Variants in ZCCHC4 observed in about 807,000 individuals in gnomAD.
ZCCHC4 encodes the protein zinc finger CCHC-type containing 4.
Under a neutral mutation model 67.7 loss-of-function variants are expected in ZCCHC4, and 54 were observed. The observed-to-expected ratio is 0.80, with a 90% CI of 0.64 to 1.00. The LOEUF (loss-of-function observed/expected upper bound fraction) is 1.00, where lower values mean the gene tolerates loss of function less well. ZCCHC4 is among the 50% of genes least tolerant of loss of function. ZCCHC4 has a pLI of 0.00. For synonymous variants in ZCCHC4, 198 were observed against 213.5 expected, an observed-to-expected ratio of 0.93 and a Z score of 0.63; for missense variants, 609 against 617.0, an observed-to-expected ratio of 0.99 and a Z score of 0.14.
At chr4:25,326,355 C>T (rs1284809179) in intron 3 of ZCCHC4, among the ~76,000 whole-genome samples, 2 of 152,220 alleles carry the variant, frequency 1.3e-5, no homozygotes, top group African/African-American at 4.8e-5. Flanking sequence ...GGATAACCTC[C>T]TCATCTTAAG....
intron 3 of ZCCHC4, among the ~76,000 whole-genome samples, chr4:25,316,189 T>C (rs1718255457): frequency 6.6e-6 from 1 of 152,250 alleles, no homozygotes; most frequent in Non-Finnish European, 1.5e-5. Flanking sequence ...TAATATCCGT[T>C]GTCTGTCTAT....
chr4:25,340,070 A>T (rs2324674), intron 5 of ZCCHC4, among the ~76,000 whole-genome samples: 1 of 151,998 alleles, frequency 6.6e-6, no homozygotes, highest in East Asian at 1.9e-4. Flanking sequence ...AGCTTTCACC[A>T]TGTTAGCCAG....
At chr4:25,352,432 A>G (rs1720346088) in intron 8 of ZCCHC4, 1 of 977,354 alleles carries the variant, frequency 1.0e-6, no homozygotes, top group South Asian at 4.7e-5. Flanking sequence ...TTTTTGAGAC[A>G]GAGTCTCACT....
intron 8 of ZCCHC4, among the ~76,000 whole-genome samples, chr4:25,354,884 T>C (rs1358292754): frequency 6.8e-6 from 1 of 148,030 alleles, no homozygotes; most frequent in Non-Finnish European, 1.5e-5. Flanking sequence ...ACAGATCTTT[T>C]CCCATAGACC....
chr4:25,361,817 T>C (rs909551768), intron 8 of ZCCHC4, 42 bp from the exon 9 acceptor site: 23 of 1,550,682 alleles, frequency 1.5e-5, no homozygotes, highest in Admixed American at 3.7e-5. Context: ...TGTTGACTAA[T>C]TTGAGTAAAT....
chr4:25,333,328 C>A lies in ZCCHC4; in HGVS notation c.475C>A (p.Gln159Lys), dbSNP rs77036618. Residue 159 changes from glutamine (Q) to lysine (K), a missense_variant, in exon 4 of 13, where the codon CAA becomes AAA. Gln to Lys is a moderately conservative substitution (Grantham distance 53). Coordinates refer to ENST00000302874, the MANE Select transcript of ZCCHC4 (RefSeq NM_024936.3). ...CATTACCCAGTTAAGAAGGCCCAGT[C>A]AACTCCTTTATCCACTGGAAAACAA... Reference protein sequence around the residue: ...VSITQLRRPSQLLYPLENKKT... With the variant: ...VSITQLRRPSKLLYPLENKKT... The A allele has an allele frequency of 1.4e-3, 2,187 of 1,614,060 alleles. 26 individuals carry two copies. The African/African-American group carries it at 0.025, about 19-fold the overall frequency.
intron 3 of ZCCHC4, among the ~76,000 whole-genome samples, chr4:25,331,710 C>A (rs897289325): frequency 6.6e-6 from 1 of 152,130 alleles, no homozygotes; most frequent in African/African-American, 2.4e-5. Context: ...TCATAGGGCC[C>A]TTTCTTCTAC....
intron 2 of ZCCHC4, among the ~76,000 whole-genome samples, chr4:25,314,813 G>T (rs564784325): frequency 6.6e-6 from 1 of 152,280 alleles, no homozygotes; most frequent in African/African-American, 2.4e-5. Context: ...TCACTAAAGA[G>T]AAATCATGAT....
intron 8 of ZCCHC4, 199 bp from the exon 9 acceptor site, chr4:25,361,660 T>C: frequency 1.8e-6 from 1 of 561,818 alleles, no homozygotes; most frequent in Non-Finnish European, 3.1e-6. Flanking sequence ...CTGTCTATGA[T>C]CCTTGAGTGT....
At position 25,364,461 on chromosome 4, in the gene ZCCHC4, G is replaced by A; in HGVS notation, c.1217G>A (p.Arg406Lys). Reference sequence around the variant, plus strand: ...TGTTTTTTTTTTTGGTAGGATGGCAGGAAATGGAACCATTGCTTTCTCTGT... The same window carrying A: ...TGTTTTTTTTTTTGGTAGGATGGCAAGAAATGGAACCATTGCTTTCTCTGT... ...LCNSCTSKDGRKWNHCFLCKK... is the reference protein window; with the variant it reads ...LCNSCTSKDGKKWNHCFLCKK... Residue 406 changes from arginine to lysine, a missense_variant, in exon 11 of 13, where the codon AGG becomes AAG. Transcript: ENST00000302874. 1 of 1,500,422 alleles carries A rather than the reference G, an allele frequency of 6.7e-7. No individual in the cohort carries two copies. Among genetic ancestry groups the A allele is most frequent in the Non-Finnish European group, 8.9e-7 (1 of 1,128,476 alleles). The allele number at this position is 1,500,422 out of a possible 1,614,324, so 92.9% of individuals were successfully genotyped here. A position where few individuals can be genotyped will look rare whatever the true frequency, so the allele number is the denominator to read the frequency against.
At chr4:25,361,435 C>T (rs550001038) in intron 8 of ZCCHC4, among the ~76,000 whole-genome samples, 3 of 152,302 alleles carry the variant, frequency 2.0e-5, no homozygotes, top group African/African-American at 7.2e-5. Context: ...AGGTTTGGAG[C>T]GCAGTCGTAC....
intron 8 of ZCCHC4, 122 bp downstream of exon 8, chr4:25,351,811 C>T: frequency 9.9e-7 from 1 of 1,009,624 alleles, no homozygotes; most frequent in South Asian, 2.0e-5. Flanking sequence ...AATATTATAC[C>T]ATATATAGCT....
At chr4:25,318,349 C>CTTTTTTTTTTTTTT (rs528144406) in intron 3 of ZCCHC4, among the ~76,000 whole-genome samples, 2 of 45,508 alleles carry the variant, frequency 4.4e-5, no homozygotes, top group Non-Finnish European at 7.1e-5. Context: ...CACTCTCTCT[C>CTTTTTTTTTTTTTT]TTTTTTTTTT....
intron 5 of ZCCHC4, among the ~76,000 whole-genome samples, chr4:25,340,631 T>A (rs1323667308): frequency 6.6e-6 from 1 of 151,836 alleles, no homozygotes; most frequent in Non-Finnish European, 1.5e-5. Flanking sequence ...GAACATGAGA[T>A]GTCCTTCCAT....
chr4:25,345,342 C>T (rs967725946), intron 5 of ZCCHC4, among the ~76,000 whole-genome samples: 2 of 152,098 alleles, frequency 1.3e-5, no homozygotes, highest in African/African-American at 2.4e-5. Flanking sequence ...GGTTTTACTA[C>T]TGGTTAATTA....
intron 5 of ZCCHC4, 33 bp from the exon 6 acceptor site, chr4:25,345,515 G>T: frequency 8.4e-7 from 1 of 1,187,748 alleles, no homozygotes; most frequent in South Asian, 1.3e-5. Flanking sequence ...CTATAGCTGT[G>T]ACTGGGCAAA....
intron 3 of ZCCHC4, among the ~76,000 whole-genome samples, chr4:25,324,328 T>C (rs1718750506): frequency 6.6e-6 from 1 of 152,090 alleles, no homozygotes; most frequent in African/African-American, 2.4e-5. Context: ...ATGTACTGTT[T>C]TTTAAGGGCA....
At position 25,368,484 on chromosome 4, in the gene ZCCHC4, C is replaced by G. The variant is rs192848690; in HGVS notation, c.1407-545C>G. ...AAGCTAATCTTCAAGATAAGGACCA[C>G]AAAATGCTGATAACCCTGCGTGGCA... On this transcript the variant is annotated intron_variant, in intron 12 of 12. Coordinates refer to ENST00000302874, the MANE Select transcript of ZCCHC4 (RefSeq NM_024936.3). Among the ~76,000 whole-genome samples, 10 of 152,338 alleles carry G rather than the reference C, an allele frequency of 6.6e-5. No individual in the cohort carries two copies. The East Asian group carries it at 1.7e-3, about 26-fold the overall frequency.
At chr4:25,358,118 C>T (rs540738555) in intron 8 of ZCCHC4, among the ~76,000 whole-genome samples, 9 of 152,312 alleles carry the variant, frequency 5.9e-5, no homozygotes, top group African/African-American at 1.4e-4. Context: ...TTGTTCACTT[C>T]GGTTTGCTTT....
Sources: gnomAD v4.1 joint callset for allele counts (sites outside exome capture counted in the v4.1 genomes callset) on GRCh38, gnomAD v4.1.1 for gene constraint, MANE v1.5 for transcripts, NCBI Gene and HGNC (gene_info 2026-07-23, HGNC 2026-07-21) for gene names.